Variants in HTR4 observed in about 807,000 individuals in gnomAD.
HTR4 encodes the protein 5-hydroxytryptamine (serotonin) receptor 4, G protein-coupled.
HTR4 carries 16 observed loss-of-function variants against 36.8 expected under a neutral mutation model. That is an observed-to-expected ratio of 0.43 (90% confidence interval 0.29 to 0.66). The LOEUF is 0.66. Among genes scored for constraint, HTR4 ranks in the 30% least tolerant of loss-of-function variants. The pLI, the probability that HTR4 is intolerant of heterozygous loss-of-function variation, is 0.13. For synonymous variants in HTR4, 189 were observed against 185.1 expected, an observed-to-expected ratio of 1.02 and a Z score of -0.17; for missense variants, 438 against 490.9, an observed-to-expected ratio of 0.89 and a Z score of 1.02.
chr5:148,645,230 A>C (rs1339568517), intron 1 of HTR4: 1 of 152,140 alleles, frequency 6.6e-6, no homozygotes, highest in Non-Finnish European at 1.5e-5. Flanking sequence ...GTAAATGGCT[A>C]TTTACCAAAT....
At chr5:148,540,661 G>A (rs760545118) in intron 4 of HTR4, among the ~76,000 whole-genome samples, 7 of 151,704 alleles carry the variant, frequency 4.6e-5, no homozygotes, top group Non-Finnish European at 7.4e-5. Flanking sequence ...GTCTACTTGA[G>A]CACACTGAGG....
chr5:148,508,122 A>G (rs138543244), intron 6 of HTR4, among the ~76,000 whole-genome samples: 213 of 152,320 alleles, frequency 1.4e-3, no homozygotes, highest in African/African-American at 5.0e-3. Context: ...TTTTATAGCA[A>G]TTCTTATTTT....
chr5:148,455,175 A>G (rs749459848), intron 5 of HTR4, among the ~76,000 whole-genome samples: 1 of 152,182 alleles, frequency 6.6e-6, no homozygotes, highest in African/African-American at 2.4e-5. Context: ...CTTACAGATT[A>G]GAAAACTGAG....
chr5:148,491,337 G>A (rs62388964), intron 6 of HTR4, among the ~76,000 whole-genome samples: 1 of 150,466 alleles, frequency 6.6e-6, no homozygotes, highest in Non-Finnish European at 1.5e-5. Context: ...TTTTTTTTTG[G>A]TCTTGCCTTA....
chr5:148,548,898 CA>C lies in HTR4; in HGVS notation c.153-31del, dbSNP rs747660650. The C allele has an allele frequency of 1.9e-6, 3 of 1,538,926 alleles. No homozygotes were observed. The African/African-American group carries it at 4.2e-5, about 21-fold the overall frequency. ...GAGTGAAAAAGTGTAAGAGAGGAGG[CA>C]GGGGGAGGGATGAAGGGAAAAAGGG... is the stretch of plus-strand genomic sequence containing the variant. On this transcript the variant is annotated intron_variant, in intron 3 of 6. Coordinates refer to ENST00000377888, the MANE Select transcript of HTR4 (RefSeq NM_000870.7).
chr5:148,494,437 CT>C (rs1756595136), intron 6 of HTR4, among the ~76,000 whole-genome samples: 1 of 152,138 alleles, frequency 6.6e-6, no homozygotes, highest in Non-Finnish European at 1.5e-5. Context: ...ATTATTTTTT[CT>C]TCTGCTGTGT....
At chr5:148,616,751 G>A (rs946569918) in intron 2 of HTR4, among the ~76,000 whole-genome samples, 1 of 149,152 alleles carries the variant, frequency 6.7e-6, no homozygotes, top group African/African-American at 2.4e-5. Flanking sequence ...ATTTTTTTCT[G>A]TACATACACA....
intron 3 of HTR4, among the ~76,000 whole-genome samples, chr5:148,549,404 C>G (rs569670738): frequency 6.6e-6 from 1 of 152,162 alleles, no homozygotes; most frequent in Non-Finnish European, 1.5e-5. Context: ...TTTGCATCAT[C>G]ATTAGATGTG....
At chr5:148,651,499 G>T (rs1754033820) in intron 1 of HTR4, among the ~76,000 whole-genome samples, 1 of 151,968 alleles carries the variant, frequency 6.6e-6, no homozygotes, top group Non-Finnish European at 1.5e-5. Context: ...CCACCCCCCG[G>T]ACATTTAGCA....
At chr5:148,508,649 T>C (rs1443320258) in intron 6 of HTR4, among the ~76,000 whole-genome samples, 1 of 152,186 alleles carries the variant, frequency 6.6e-6, no homozygotes, top group Non-Finnish European at 1.5e-5. Flanking sequence ...CAAATCAGCT[T>C]CCTTTCCTTT....
chr5:148,577,573 C>T (rs1760973752), intron 2 of HTR4, among the ~76,000 whole-genome samples: 1 of 152,026 alleles, frequency 6.6e-6, no homozygotes, highest in African/African-American at 2.4e-5. Flanking sequence ...AACCTAAATG[C>T]CCATCAATGA....
chr5:148,465,758 A>T, intron 5 of HTR4: 1 of 1,499,022 alleles, frequency 6.7e-7, no homozygotes. Flanking sequence ...TCCTGTGAGG[A>T]CAGAAGTATA....
At chr5:148,579,163 C>G (rs776187016) in intron 2 of HTR4, among the ~76,000 whole-genome samples, 37 of 152,042 alleles carry the variant, frequency 2.4e-4, no homozygotes, top group Non-Finnish European at 5.0e-4. Flanking sequence ...TTATATGTCA[C>G]CGTTCTTTCT....
chr5:148,481,545 T>C, downstream of HTR4: 1 of 1,525,692 alleles, frequency 6.6e-7, no homozygotes, highest in Non-Finnish European at 8.8e-7. Flanking sequence ...CTTTTTTTTT[T>C]CTTTTTCTTT....
intron 2 of HTR4, among the ~76,000 whole-genome samples, chr5:148,569,988 A>G (rs1760609916): frequency 1.3e-5 from 2 of 152,110 alleles, no homozygotes; most frequent in South Asian, 4.1e-4. Context: ...TCACCTGTGA[A>G]TCCCATCTTT....
intron 2 of HTR4, among the ~76,000 whole-genome samples, chr5:148,558,015 T>C (rs1760031883): frequency 6.6e-6 from 1 of 151,980 alleles, no homozygotes; most frequent in African/African-American, 2.4e-5. Context: ...AGGAGTGTCA[T>C]GTACACAAGA....
intron 2 of HTR4, among the ~76,000 whole-genome samples, chr5:148,567,711 G>C (rs1760504823): frequency 6.6e-6 from 1 of 152,034 alleles, no homozygotes; most frequent in South Asian, 2.1e-4. Context: ...ATATCCACTA[G>C]GTTCCCTTTT....
chr5:148,471,652 A>G (rs1193081991), downstream of HTR4, among the ~76,000 whole-genome samples: 2 of 152,242 alleles, frequency 1.3e-5, no homozygotes, highest in African/African-American at 4.8e-5. Context: ...GCAGGAAAAT[A>G]GGGAGAACCT....
At chr5:148,615,626 C>G (rs551007386) in intron 2 of HTR4, among the ~76,000 whole-genome samples, 1 of 149,646 alleles carries the variant, frequency 6.7e-6, no homozygotes, top group East Asian at 2.0e-4. Context: ...CACATGTATA[C>G]GTATGTAACT....
Sources: allele counts gnomAD v4.1 joint callset (sites outside exome capture counted in the v4.1 genomes callset), GRCh38; gene constraint gnomAD v4.1.1; transcripts MANE v1.5; gene names NCBI Gene and HGNC (gene_info 2026-07-23, HGNC 2026-07-21).